Variants in RFX6 observed in about 807,000 individuals in gnomAD.
The protein encoded by RFX6 is regulatory factor X6.
RFX6 carries 50 observed loss-of-function variants against 110.8 expected under a neutral mutation model. The observed-to-expected ratio is 0.45, with a 90% CI of 0.36 to 0.57. RFX6 has a LOEUF of 0.57. RFX6 is among the 20% of genes least tolerant of loss of function. RFX6 has a pLI of 0.00. For synonymous variants in RFX6, 383 were observed against 411.2 expected, an observed-to-expected ratio of 0.93 and a Z score of 0.83; for missense variants, 990 against 1,127.0, an observed-to-expected ratio of 0.88 and a Z score of 1.74.
intron 7 of RFX6, among the ~76,000 whole-genome samples, chr6:116,913,475 G>A (rs1270820056): frequency 2.0e-5 from 3 of 152,180 alleles, no homozygotes; most frequent in Admixed American, 2.0e-4. Flanking sequence ...CGAGGCAGTT[G>A]TCTCCCCCAC....
chr6:116,877,947 G>T lies in RFX6; in HGVS notation c.375G>T (p.Leu125=), dbSNP rs749968722. ...KDKKKQTQLT[L]QWLEENYIVC... ...AAAAGAAGCAGACACAGCTCACGCT[G>T]CAGTGGTGAGACTCGCCCGCAGGGT... The change falls in exon 2 of 19, where the codon CTG becomes CTT. Residue 125 remains leucine, a synonymous_variant. Transcript: ENST00000332958. The T allele has an allele frequency of 6.2e-7, 1 of 1,614,074 alleles. No homozygotes were observed. The highest frequency in any genetic ancestry group is 1.1e-5 in the South Asian group (1 of 91,078).
chr6:116,929,036 A>G, intron 18 of RFX6, 65 bp downstream of exon 18: 1 of 1,006,422 alleles, frequency 9.9e-7, no homozygotes. Flanking sequence ...ATGCAACATT[A>G]CTTGAGGGAG....
chr6:116,878,547 C>G (rs1433066449), intron 2 of RFX6, among the ~76,000 whole-genome samples: 1 of 151,846 alleles, frequency 6.6e-6, no homozygotes, highest in Non-Finnish European at 1.5e-5. Flanking sequence ...TGTGGAAAAT[C>G]TTTTAAAACC....
At chr6:116,929,032 C>A in intron 18 of RFX6, 61 bp downstream of exon 18, 1 of 1,046,482 alleles carries the variant, frequency 9.6e-7, no homozygotes, top group Non-Finnish European at 1.5e-6. Flanking sequence ...AGGTATGCAA[C>A]ATTACTTGAG....
intron 1 of RFX6, 39 bp from the exon 2 acceptor site, chr6:116,877,757 A>G: frequency 3.8e-6 from 6 of 1,599,252 alleles, no homozygotes; most frequent in Non-Finnish European, 5.1e-6. Flanking sequence ...TTGATTTTAT[A>G]TTCTATTTTT....
intron 4 of RFX6, among the ~76,000 whole-genome samples, chr6:116,891,154 T>A (rs900011710): frequency 2.0e-5 from 3 of 152,214 alleles, no homozygotes; most frequent in African/African-American, 7.2e-5. Flanking sequence ...ATGGAGGAAT[T>A]TGGAAATATG....
intron 17 of RFX6, among the ~76,000 whole-genome samples, chr6:116,928,117 G>A (rs985518686): frequency 6.6e-6 from 1 of 151,270 alleles, no homozygotes; most frequent in Non-Finnish European, 1.5e-5. Context: ...ATATGTTTGA[G>A]ACCTACCTTA....
rs1424721694 is a variant in RFX6 at position 116,877,271 on chromosome 6, G to A, written c.-5G>A. 1.2e-6 allele frequency: 2 copies of A among 1,606,032 alleles called. No homozygotes were observed. The highest frequency in any genetic ancestry group is 2.2e-5 in the South Asian group (2 of 90,244). On this transcript the variant is annotated 5_prime_UTR_variant, in exon 1 of 19. Coordinates refer to ENST00000332958, the MANE Select transcript of RFX6 (RefSeq NM_173560.4). ...CGCGCGCGGAGGTGTCCGGCGGCCA[G>A]GAGGATGGCCAAGGTCCCGGAGCTG...
intron 6 of RFX6, among the ~76,000 whole-genome samples, chr6:116,904,443 T>G (rs978631247): frequency 1.3e-5 from 2 of 152,136 alleles, no homozygotes; most frequent in African/African-American, 4.8e-5. Context: ...TAAATTACTT[T>G]GAAAGCATAA....
At chr6:116,906,206 C>T (rs2114683672) in intron 6 of RFX6, among the ~76,000 whole-genome samples, 1 of 152,236 alleles carries the variant, frequency 6.6e-6, no homozygotes, top group East Asian at 1.9e-4. Context: ...TTACTGGCCT[C>T]TCTGTTCTAT....
intron 6 of RFX6, among the ~76,000 whole-genome samples, chr6:116,904,722 T>A (rs1160545158): frequency 2.0e-5 from 3 of 152,180 alleles, no homozygotes; most frequent in Non-Finnish European, 4.4e-5. Context: ...TCTGTCTCTA[T>A]GATGTTTACT....
intron 4 of RFX6, among the ~76,000 whole-genome samples, chr6:116,882,633 G>A (rs1266483216): frequency 6.6e-6 from 1 of 151,500 alleles, no homozygotes; most frequent in Non-Finnish European, 1.5e-5. Flanking sequence ...AAATAATAAT[G>A]TATTATTATT....
chr6:116,903,133 C>A (rs1775110978), intron 6 of RFX6, among the ~76,000 whole-genome samples: 1 of 152,002 alleles, frequency 6.6e-6, no homozygotes, highest in African/African-American at 2.4e-5. Context: ...GCATATTTTA[C>A]TATTTTAAAG....
Position 116,931,494 on chromosome 6 carries a change from T to C in RFX6, c.2775T>C (p.Ala925=), listed in dbSNP as rs1439547377. Residue 925 remains alanine, a synonymous_variant, in exon 19 of 19, where the codon GCT becomes GCC. Coordinates refer to ENST00000332958, the MANE Select transcript of RFX6 (RefSeq NM_173560.4). ...PINTVFMGTA[A]GGT is the part of the protein sequence containing the mutation. ...ACACTGTGTTCATGGGAACAGCAGC[T>C]GGAGGCACTTAAACCACCAATGTGG... is the stretch of plus-strand genomic sequence containing the variant. 2.5e-6 allele frequency: 4 copies of C among 1,613,004 alleles called. No homozygotes were observed. The highest frequency in any genetic ancestry group is 3.4e-6 in the Non-Finnish European group (4 of 1,179,282).
chr6:116,877,404 A>G lies in RFX6; in HGVS notation c.129A>G (p.Glu43=). 2.5e-6 allele frequency: 4 copies of G among 1,606,902 alleles called. No individual in the cohort carries two copies. Among genetic ancestry groups the G allele is most frequent in the Non-Finnish European group, 3.4e-6 (4 of 1,176,780 alleles). Residue 43 remains glutamate, a synonymous_variant, in exon 1 of 19, where the codon GAA becomes GAG. Coordinates refer to ENST00000332958, the MANE Select transcript of RFX6 (RefSeq NM_173560.4). ...LGKGLLVYPE[E]TVYLAAEGQP... is the part of the protein sequence containing the mutation. ...AGGGCTTGCTAGTCTATCCGGAAGA[A>G]ACAGTGTACCTGGCGGCCGAAGGGC...
intron 6 of RFX6, 56 bp from the exon 7 acceptor site, chr6:116,910,879 C>A: frequency 8.7e-7 from 1 of 1,146,058 alleles, no homozygotes; most frequent in Non-Finnish European, 1.3e-6. Flanking sequence ...TAGAATAGTA[C>A]TTTGGAAGCA....
chr6:116,908,685 C>T (rs1562141705), intron 6 of RFX6, among the ~76,000 whole-genome samples: 1 of 91,124 alleles, frequency 1.1e-5, no homozygotes, highest in African/African-American at 4.2e-5. Context: ...CACACACACA[C>T]ACAGACACAC....
chr6:116,927,250 C>T lies in RFX6; in HGVS notation c.2109C>T (p.Tyr703=), dbSNP rs377285182. The T allele has an allele frequency of 6.6e-5, 106 of 1,614,098 alleles. No homozygotes were observed. Among genetic ancestry groups the T allele is most frequent in the Non-Finnish European group, 8.9e-5 (105 of 1,180,040 alleles). Residue 703 remains tyrosine, a synonymous_variant, in exon 17 of 19, where the codon TAC becomes TAT. Coordinates refer to ENST00000332958, the MANE Select transcript of RFX6 (RefSeq NM_173560.4). ...ACTTTTATAGCACCAGCTCTAACTA[C>T]CAGACTGTGTTTAGGGCACAGCCCC... The part of the protein sequence containing the change: ...NHDFYSTSSN[Y]QTVFRAQPHS...
At chr6:116,890,761 A>G (rs1171946346) in intron 4 of RFX6, among the ~76,000 whole-genome samples, 3 of 152,194 alleles carry the variant, frequency 2.0e-5, no homozygotes, top group African/African-American at 7.2e-5. Context: ...CATAAAATAC[A>G]TACATTAATT....
Sources: gnomAD v4.1 joint callset for allele counts (sites outside exome capture counted in the v4.1 genomes callset) on GRCh38, gnomAD v4.1.1 for gene constraint, MANE v1.5 for transcripts, NCBI Gene and HGNC (gene_info 2026-07-23, HGNC 2026-07-21) for gene names.